Variants in WDPCP observed in about 807,000 individuals in gnomAD.
WDPCP encodes WD repeat containing planar cell polarity effector, also known as WD repeat-containing and planar cell polarity effector protein fritz homolog.
Under a neutral mutation model 93.1 loss-of-function variants are expected in WDPCP, and 71 were observed. The ratio of observed to expected loss-of-function variants is 0.76; its 90% CI spans 0.63 to 0.93. WDPCP has a LOEUF of 0.93. WDPCP is among the 40% of genes least tolerant of loss of function. The pLI, the probability that WDPCP is intolerant of heterozygous loss-of-function variation, is 0.00. For missense variants in WDPCP, 844 were observed against 887.4 expected, an observed-to-expected ratio of 0.95 and a Z score of 0.62; for synonymous variants, 315 against 315.0, an observed-to-expected ratio of 1.00 and a Z score of 0.00.
Position 63,259,293 on chromosome 2 carries a change from G to C in WDPCP, c.1915+14C>G. The C allele has an allele frequency of 6.2e-7, 1 of 1,600,682 alleles. No homozygotes were observed. The highest frequency in any genetic ancestry group is 8.6e-7 in the Non-Finnish European group (1 of 1,169,208). ...TTAAAATAAAAAGCACTTAAAAATA[G>C]CGTTAATTCTTACCAACCCCAGAGG... is the stretch of plus-strand genomic sequence containing the variant. On this transcript the variant is annotated intron_variant, in intron 14 of 17. Transcript: ENST00000272321.
chr2:63,129,664 T>A (rs1670161417), intron 17 of WDPCP, among the ~76,000 whole-genome samples: 1 of 152,198 alleles, frequency 6.6e-6, no homozygotes, highest in African/African-American at 2.4e-5. Flanking sequence ...TTCTTCTATA[T>A]TCTGGTTATT....
intron 2 of WDPCP, among the ~76,000 whole-genome samples, chr2:63,780,216 T>C (rs1670366106): frequency 6.6e-6 from 1 of 152,310 alleles, no homozygotes; most frequent in Admixed American, 6.5e-5. Context: ...CACAAATGTA[T>C]GGTGCCAAAA....
In WDPCP at chr2:63,486,579, C is replaced by A; in HGVS notation, c.216G>T (p.Glu72Asp). ...TCTGCTTCTTTTCTAAGTTACCATG[C>A]TCTGTCGCTGATATTGTGGCAGAAG... ...YYDKKDPPAT[E>D]HGNLEKKQKL... is the part of the protein sequence containing the mutation. Residue 72 changes from glutamate (E) to aspartate (D), a missense_variant, in exon 4 of 18, where the codon GAG becomes GAT. Glu to Asp is a conservative substitution (Grantham distance 45). Transcript: ENST00000272321. 6.3e-7 allele frequency: 1 copy of A among 1,575,446 alleles called. No homozygotes were observed. The highest frequency in any genetic ancestry group is 8.6e-7 in the Non-Finnish European group (1 of 1,157,368).
intron 14 of WDPCP, among the ~76,000 whole-genome samples, chr2:63,208,425 CT>C (rs151336126): frequency 0.036 from 5,501 of 152,190 alleles, 345 homozygotes; most frequent in African/African-American, 0.13. Flanking sequence ...TATTTTACCC[CT>C]TTAATTTCTA....
chr2:63,397,444 A>G (rs553546073), intron 10 of WDPCP, among the ~76,000 whole-genome samples: 5 of 152,318 alleles, frequency 3.3e-5, no homozygotes, highest in South Asian at 4.1e-4. Flanking sequence ...CCAGATGAAT[A>G]TGTGGATGTG....
intron 13 of WDPCP, among the ~76,000 whole-genome samples, chr2:63,292,139 AAAAAAAAAAAAAG>A (rs1684489605): frequency 6.6e-6 from 1 of 150,996 alleles, no homozygotes; most frequent in Non-Finnish European, 1.5e-5. Flanking sequence ...GCTCAAAAAA[AAAAAAAAAAAAAG>A]AAAAAGAAAA....
intron 12 of WDPCP, among the ~76,000 whole-genome samples, chr2:63,313,886 A>ATATATT: frequency 0.012 from 872 of 74,432 alleles, 34 homozygotes; most frequent in African/African-American, 0.041. Context: ...ATATATATAT[A>ATATATT]TTTTTTTTTT....
chr2:63,773,891 A>G (rs567894527), intron 2 of WDPCP, among the ~76,000 whole-genome samples: 1 of 152,228 alleles, frequency 6.6e-6, no homozygotes, highest in African/African-American at 2.4e-5. Flanking sequence ...CACACTGGCT[A>G]TGGGTTAGCC....
intron 2 of WDPCP, among the ~76,000 whole-genome samples, chr2:63,661,822 A>G (rs1409316438): frequency 6.6e-6 from 1 of 152,184 alleles, no homozygotes; most frequent in East Asian, 1.9e-4. Flanking sequence ...GGCTATCTTA[A>G]TGATTCCTGT....
chr2:63,254,779 G>A (rs1681005244), intron 14 of WDPCP, among the ~76,000 whole-genome samples: 1 of 152,116 alleles, frequency 6.6e-6, no homozygotes, highest in Non-Finnish European at 1.5e-5. Flanking sequence ...CTTTCTAGAT[G>A]TTTGACATTT....
intron 1 of WDPCP, among the ~76,000 whole-genome samples, chr2:63,496,654 G>A (rs976121128): frequency 6.6e-6 from 1 of 152,128 alleles, no homozygotes; most frequent in Non-Finnish European, 1.5e-5. Context: ...GGTGGTGGGA[G>A]GACTGAGAAA....
At chr2:63,460,079 A>G (rs1698903601) in intron 6 of WDPCP, among the ~76,000 whole-genome samples, 1 of 152,234 alleles carries the variant, frequency 6.6e-6, no homozygotes, top group South Asian at 2.1e-4. Context: ...TATGGAATCA[A>G]TCTAAATGCC....
rs377017903 is a variant in WDPCP, at chr2:63,630,095, T to C, written n.488+20564A>G. On this transcript the variant is annotated intron_variant and non_coding_transcript_variant, in intron 3 of 4. Coordinates refer to the WDPCP transcript ENST00000467687. ...AATCAGAAAAGCTAAGCATAAGTGA[T>C]GTGCAATATCTACAGCAACCATGAA... Among the ~76,000 whole-genome samples, 9 of 152,286 alleles carry C rather than the reference T, an allele frequency of 5.9e-5. No homozygotes were observed. The South Asian group carries it at 1.2e-3, about 21-fold the overall frequency.
chr2:63,526,873 T>G (rs1039664844), intron 1 of WDPCP, among the ~76,000 whole-genome samples: 2 of 152,216 alleles, frequency 1.3e-5, no homozygotes, highest in Non-Finnish European at 2.9e-5. Flanking sequence ...TCTGAGTACA[T>G]GAACTAGAAT....
chr2:63,153,829 TA>T (rs1325957943), intron 15 of WDPCP, among the ~76,000 whole-genome samples: 1 of 152,002 alleles, frequency 6.6e-6, no homozygotes, highest in African/African-American at 2.4e-5. Flanking sequence ...GCAGTTAAAT[TA>T]AACTTTAACA....
chr2:63,372,844 C>T (rs1222042389), intron 12 of WDPCP, among the ~76,000 whole-genome samples: 1 of 152,120 alleles, frequency 6.6e-6, no homozygotes, highest in Non-Finnish European at 1.5e-5. Context: ...CCAATATAGG[C>T]TGGGCACGGT....
intron 14 of WDPCP, among the ~76,000 whole-genome samples, chr2:63,222,094 G>A (rs953652714): frequency 6.6e-6 from 1 of 152,250 alleles, no homozygotes; most frequent in African/African-American, 2.4e-5. Flanking sequence ...CAATTCACCT[G>A]TGCCTGGACA....
At chr2:63,154,598 C>T (rs1209010023) in intron 15 of WDPCP, among the ~76,000 whole-genome samples, 1 of 152,124 alleles carries the variant, frequency 6.6e-6, no homozygotes. Flanking sequence ...AAAACTGCTA[C>T]AAGCATTCAT....
chr2:63,627,547 C>G (rs1709822639), intron 3 of WDPCP, among the ~76,000 whole-genome samples: 2 of 152,116 alleles, frequency 1.3e-5, no homozygotes, highest in African/African-American at 2.4e-5. Flanking sequence ...GACCTGCCCC[C>G]CATCTTGTAC....
Sources: gnomAD v4.1 joint callset for allele counts (sites outside exome capture counted in the v4.1 genomes callset) on GRCh38, gnomAD v4.1.1 for gene constraint, MANE v1.5 for transcripts, NCBI Gene and HGNC (gene_info 2026-07-23, HGNC 2026-07-21) for gene names.